DNAJC1: variants seen among roughly 807,000 people sequenced by gnomAD.
DNAJC1 encodes DnaJ heat shock protein family (Hsp40) member C1, also known as dnaJ homolog subfamily C member 1.
DNAJC1 carries 58 observed loss-of-function variants against 76.6 expected under a neutral mutation model. The ratio of observed to expected loss-of-function variants is 0.76; its 90% CI spans 0.61 to 0.94. The LOEUF (loss-of-function observed/expected upper bound fraction) is 0.94, where lower values mean the gene tolerates loss of function less well. Ranked by LOEUF, DNAJC1 falls within the 40% of genes least tolerant of loss-of-function variation. The pLI is 0.00. For missense variants in DNAJC1, 689 were observed against 677.3 expected (o/e 1.02, Z -0.19); for synonymous variants, 258 against 267.9 (o/e 0.96, Z 0.36).
intron 1 of DNAJC1, among the ~76,000 whole-genome samples, chr10:21,931,139 G>A (rs761748699): frequency 9.9e-5 from 15 of 152,098 alleles, no homozygotes; most frequent in Admixed American, 3.3e-4. Flanking sequence ...GCAGCTACCA[G>A]GTGCCTTTGT....
intron 6 of DNAJC1, among the ~76,000 whole-genome samples, chr10:21,908,073 TAAATATATATTATATATA>T (rs1262822887): frequency 8.8e-6 from 1 of 113,078 alleles, no homozygotes; most frequent in South Asian, 2.3e-4. Flanking sequence ...ATAATATACA[TAAATATATATTATATATA>T]AAATATATAT....
In DNAJC1 at chr10:21,971,341, G is replaced by A. The variant is rs1026943764; in HGVS notation, c.222+31872C>T. Among the ~76,000 whole-genome samples, 4 of 151,806 alleles carry A rather than the reference G, an allele frequency of 2.6e-5. No individual in the cohort carries two copies. The East Asian group carries it at 5.8e-4, about 22-fold the overall frequency. ...ATATCTTCTATTTATGTCAAGTAAC[G>A]AATTGTTTATCTTAACATATTTTAC... On this transcript the variant is annotated intron_variant, in intron 1 of 11. Coordinates refer to ENST00000376980, the MANE Select transcript of DNAJC1 (RefSeq NM_022365.4).
rs368936098 is a variant in DNAJC1, at chr10:21,839,692, T to C, written c.979-33593A>G. ...GAGGTACAAGGAGGAGCTGGTACCA[T>C]TCCTTCTGAAACTATTCCAATCAAT... On this transcript the variant is annotated intron_variant, in intron 8 of 11. Coordinates refer to ENST00000376980, the MANE Select transcript of DNAJC1 (RefSeq NM_022365.4). 7.9e-5 allele frequency among the ~76,000 whole-genome samples: 12 copies of C among 152,274 alleles called. No individual in the cohort carries two copies. In the East Asian group the frequency reaches 1.3e-3, roughly 17 times the overall value.
intron 7 of DNAJC1, among the ~76,000 whole-genome samples, chr10:21,898,704 C>T (rs1274121055): frequency 6.6e-6 from 1 of 151,838 alleles, no homozygotes; most frequent in Non-Finnish European, 1.5e-5. Flanking sequence ...AGACATGTGC[C>T]ACCACAGCCA....
In DNAJC1 at chr10:21,795,113, A is replaced by C. The variant is rs59254566; in HGVS notation, c.1098+10867T>G. Among the ~76,000 whole-genome samples the C allele has an allele frequency of 5.9e-3, 894 of 152,310 alleles. 10 individuals are homozygous for C. The highest frequency in any genetic ancestry group is 0.02 in the African/African-American group (842 of 41,562). ...AAAGAACTCTTATGACAGGAAAAAC[A>C]ACCAAATTAAAATATGGGCAAAAAT... is the stretch of plus-strand genomic sequence containing the variant. On this transcript the variant is annotated intron_variant, in intron 9 of 11. Transcript: ENST00000376980.
At chr10:21,943,875 G>T (rs143719374) in intron 1 of DNAJC1, among the ~76,000 whole-genome samples, 1 of 150,864 alleles carries the variant, frequency 6.6e-6, no homozygotes, top group Non-Finnish European at 1.5e-5. Context: ...GTGGTCAACC[G>T]CAAATGTTGG....
chr10:21,837,367 C>T (rs570245384), intron 8 of DNAJC1, among the ~76,000 whole-genome samples: 46 of 152,090 alleles, frequency 3.0e-4, no homozygotes, highest in African/African-American at 9.9e-4. Flanking sequence ...TCTGCCTGGC[C>T]GCCCATCGTC....
intron 1 of DNAJC1, among the ~76,000 whole-genome samples, chr10:21,987,303 G>A (rs1026317042): frequency 5.3e-5 from 8 of 152,050 alleles, no homozygotes; most frequent in African/African-American, 1.9e-4. Context: ...CTATAGTGCT[G>A]GACAGTACAG....
chr10:21,757,012 G>A (rs187141801), intron 11 of DNAJC1, among the ~76,000 whole-genome samples: 118 of 152,286 alleles, frequency 7.7e-4, no homozygotes, highest in Non-Finnish European at 1.2e-3. Flanking sequence ...TTTGTGAGGC[G>A]TACTAGCATC....
rs34392809 is a variant in DNAJC1, at chr10:21,841,800, A to T, written c.979-35701T>A. On this transcript the variant is annotated intron_variant, in intron 8 of 11. Coordinates refer to ENST00000376980, the MANE Select transcript of DNAJC1 (RefSeq NM_022365.4). ...ACCATGCTGCTATAAAGACACACGT[A>T]TGTTTATAGCGGCACTGTTCACAAT... Among the ~76,000 whole-genome samples, 872 of 152,266 alleles carry T rather than the reference A, an allele frequency of 5.7e-3. 4 individuals are homozygous for T. Among genetic ancestry groups the T allele is most frequent in the Non-Finnish European group, 9.7e-3 (663 of 68,026 alleles).
At chr10:21,786,333 A>G (rs1834606812) in intron 9 of DNAJC1, among the ~76,000 whole-genome samples, 2 of 151,294 alleles carry the variant, frequency 1.3e-5, no homozygotes, top group African/African-American at 4.9e-5. Context: ...CAGGTATTTA[A>G]TCTAACATTT....
At chr10:21,882,625 C>T (rs1836300560) in intron 7 of DNAJC1, among the ~76,000 whole-genome samples, 186 bp from the exon 8 acceptor site, 1 of 152,088 alleles carries the variant, frequency 6.6e-6, no homozygotes, top group Admixed American at 6.6e-5. Flanking sequence ...CTCAGAGTTG[C>T]TACTATTGTG....
chr10:21,986,250 T>C (rs1409433631), intron 1 of DNAJC1, among the ~76,000 whole-genome samples: 2 of 152,294 alleles, frequency 1.3e-5, no homozygotes, highest in East Asian at 1.9e-4. Context: ...TCCAAAGTAG[T>C]TGCATTTTAC....
intron 1 of DNAJC1, among the ~76,000 whole-genome samples, chr10:21,983,523 G>A (rs1000915143): frequency 6.6e-6 from 1 of 152,040 alleles, no homozygotes; most frequent in Non-Finnish European, 1.5e-5. Context: ...CCAGGAGTTC[G>A]AGACCAGCCT....
At chr10:21,767,173 A>G (rs1834311115) in intron 9 of DNAJC1, among the ~76,000 whole-genome samples, 2 of 152,130 alleles carry the variant, frequency 1.3e-5, no homozygotes, top group Admixed American at 1.3e-4. Context: ...AGGGAACCCT[A>G]AGAGCATCTG....
At chr10:21,794,464 G>C (rs1478531767) in intron 9 of DNAJC1, among the ~76,000 whole-genome samples, 1 of 151,942 alleles carries the variant, frequency 6.6e-6, no homozygotes, top group Admixed American at 6.6e-5. Context: ...TTGTTAAGAT[G>C]GCAGTTCTCT....
chr10:21,815,366 C>G (rs964962663), intron 8 of DNAJC1, among the ~76,000 whole-genome samples: 4 of 152,112 alleles, frequency 2.6e-5, no homozygotes, highest in African/African-American at 9.7e-5. Flanking sequence ...TCCTTGTGGG[C>G]CAAGGTGGAA....
intron 1 of DNAJC1, among the ~76,000 whole-genome samples, chr10:21,977,041 T>C (rs1838077708): frequency 6.6e-6 from 1 of 152,098 alleles, no homozygotes; most frequent in Admixed American, 6.6e-5. Flanking sequence ...CAGTCTCCAA[T>C]TTGCTCTCAT....
chr10:21,897,708 A>G (rs918187176), intron 7 of DNAJC1, among the ~76,000 whole-genome samples: 1 of 152,210 alleles, frequency 6.6e-6, no homozygotes, highest in Non-Finnish European at 1.5e-5. Flanking sequence ...TTCCCTGGTG[A>G]CAAAAAGGTT....
Sources: allele counts gnomAD v4.1 joint callset (sites outside exome capture counted in the v4.1 genomes callset), GRCh38; gene constraint gnomAD v4.1.1; transcripts MANE v1.5; gene names NCBI Gene and HGNC (gene_info 2026-07-23, HGNC 2026-07-21).